CTSH: variants seen among roughly 807,000 people sequenced by gnomAD.
CTSH encodes the protein cathepsin H, also known as pro-cathepsin H.
In CTSH, 52 loss-of-function variants were observed where a neutral mutation model predicts 56.3. The ratio of observed to expected loss-of-function variants is 0.92; its 90% CI spans 0.74 to 1.16. CTSH has a LOEUF of 1.16. Ranked by LOEUF, CTSH falls within the 50% of genes most tolerant of loss-of-function variation. CTSH has a pLI of 0.00. For synonymous variants in CTSH, 174 were observed against 155.7 expected (o/e 1.12, Z -0.88); for missense variants, 406 against 424.5 (o/e 0.96, Z 0.38).
chr15:78,935,389 A>G (rs2055154345), intron 4 of CTSH, among the ~76,000 whole-genome samples: 1 of 152,258 alleles, frequency 6.6e-6, no homozygotes, highest in African/African-American at 2.4e-5. Flanking sequence ...CAATATTTAG[A>G]ATATACTTAT....
Position 78,927,700 on chromosome 15 carries a change from G to C in CTSH, c.699+13C>G. On this transcript the variant is annotated intron_variant, in intron 9 of 11. Transcript: ENST00000220166. The stretch of plus-strand genomic sequence containing the variant: ...GGACACATTCCCCATCCCAGAGGGG[G>C]ATCGGCACTCACGATTGTGATGTTG... The C allele has an allele frequency of 6.2e-7, 1 of 1,613,196 alleles. No individual in the cohort carries two copies. The highest frequency in any genetic ancestry group is 8.5e-7 in the Non-Finnish European group (1 of 1,179,216).
intron 1 of CTSH, among the ~76,000 whole-genome samples, chr15:78,942,951 C>G (rs1347454124): frequency 6.6e-6 from 1 of 152,148 alleles, no homozygotes; most frequent in Non-Finnish European, 1.5e-5. Flanking sequence ...TGCACATTTC[C>G]TCAACATGGC....
chr15:78,931,954 GTTCC>G (rs1356125179), intron 6 of CTSH: 17 of 1,158,478 alleles, frequency 1.5e-5, no homozygotes, highest in Non-Finnish European at 9.7e-6. Context: ...GGCTAGGATA[GTTCC>G]TTCAGGGGCA....
intron 5 of CTSH, 25 bp downstream of exon 5, chr15:78,934,953 A>C (rs572209103): frequency 6.8e-7 from 1 of 1,480,400 alleles, no homozygotes. Flanking sequence ...TTTTGCAGGG[A>C]GAGGATGGAG....
Position 78,929,472 on chromosome 15 carries a change from G to C in CTSH, c.570C>G (p.Phe190Leu). The change falls in exon 8 of 12, where the codon TTC (phenylalanine) becomes TTG (leucine). Residue 190 changes from phenylalanine (F) to leucine (L), a missense_variant. Physicochemically the swap from Phe to Leu is conservative, Grantham distance 22 (BLOSUM62 0). Coordinates refer to ENST00000220166, the MANE Select transcript of CTSH (RefSeq NM_004390.5). ...GCQGGLPSQA[F>L]EYILYNKGIM... is the part of the protein sequence containing the mutation. ...TCCCCTTGTTGTACAGGATATACTC[G>C]AAAGCCTGGCTGGGGAGACCCCTGC... The C allele has an allele frequency of 6.2e-7, 1 of 1,611,136 alleles. No homozygotes were observed.
At chr15:78,942,718 A>AG (rs923434782) in intron 1 of CTSH, among the ~76,000 whole-genome samples, 5 of 152,278 alleles carry the variant, frequency 3.3e-5, no homozygotes, top group African/African-American at 1.2e-4. Flanking sequence ...CCTTGCCTTC[A>AG]GGGGCTCTCT....
chr15:78,935,280 T>C (rs1334503334), intron 4 of CTSH, among the ~76,000 whole-genome samples, 198 bp from the exon 5 acceptor site: 1 of 152,176 alleles, frequency 6.6e-6, no homozygotes, highest in African/African-American at 2.4e-5. Context: ...AGCATTAGGA[T>C]AGGGTAGACA....
chr15:78,927,486 T>C (rs2054935067), intron 9 of CTSH: 1 of 576,328 alleles, frequency 1.7e-6, no homozygotes, highest in African/African-American at 1.9e-5. Flanking sequence ...AAGGCATGTG[T>C]GGATCTGGAG....
At chr15:78,930,181 T>C (rs138142036) in intron 7 of CTSH, among the ~76,000 whole-genome samples, 1,532 of 152,270 alleles carry the variant, frequency 0.01, 30 homozygotes, top group African/African-American at 0.036. Context: ...GTGATATTTG[T>C]TGTATGAATG....
Position 78,937,459 on chromosome 15 carries a change from C to T in CTSH, c.124-36G>A, listed in dbSNP as rs144342378. On this transcript the variant is annotated intron_variant, in intron 2 of 11. Transcript: ENST00000220166. ...ACACGCCAGTAGCAAGTCATGGAAA[C>T]AGGCTGCAGCTCCCTAGAGGGAGAC... 3,607 of 1,565,050 alleles carry T rather than the reference C, an allele frequency of 2.3e-3. 7 individuals carry two copies. Among genetic ancestry groups the T allele is most frequent in the Admixed American group, 3.0e-3 (175 of 58,850 alleles).
At chr15:78,930,618 G>A (rs1438837127) in intron 7 of CTSH, among the ~76,000 whole-genome samples, 2 of 152,204 alleles carry the variant, frequency 1.3e-5, no homozygotes, top group Non-Finnish European at 2.9e-5. Flanking sequence ...TCAGACTCTT[G>A]TTATGGGTTG....
intron 6 of CTSH, chr15:78,931,964 G>A (rs2055070467): frequency 8.7e-7 from 1 of 1,150,816 alleles, no homozygotes; most frequent in East Asian, 5.5e-5. Flanking sequence ...GTTCCTTCAG[G>A]GGCATCATCC....
chr15:78,937,256 C>T (rs1169311511), intron 3 of CTSH, 62 bp downstream of exon 3: 1 of 1,449,834 alleles, frequency 6.9e-7, no homozygotes, highest in Non-Finnish European at 9.7e-7. Flanking sequence ...CCAGCGGGCC[C>T]TTTCATGGGC....
At chr15:78,944,001 A>T (rs549371476) in intron 1 of CTSH, among the ~76,000 whole-genome samples, 15 of 152,214 alleles carry the variant, frequency 9.9e-5, no homozygotes, top group Non-Finnish European at 1.8e-4. Flanking sequence ...AGCCTCAGTG[A>T]TCTCTGTCCC....
intron 2 of CTSH, chr15:78,937,930 G>A (rs1231894648): frequency 1.6e-6 from 1 of 607,172 alleles, no homozygotes; most frequent in East Asian, 7.4e-5. Flanking sequence ...TCAAATCAAG[G>A]TCATTGGGAG....
At chr15:78,922,564 G>T (rs1051765228) in intron 11 of CTSH, among the ~76,000 whole-genome samples, 1 of 152,142 alleles carries the variant, frequency 6.6e-6, no homozygotes. Context: ...TGGGAGGACA[G>T]GACAAAGGCA....
chr15:78,922,748 G>A (rs571432516), intron 11 of CTSH, among the ~76,000 whole-genome samples: 3 of 152,332 alleles, frequency 2.0e-5, no homozygotes, highest in African/African-American at 7.2e-5. Flanking sequence ...CAGTCCTTCT[G>A]AGCCAGCTGG....
intron 1 of CTSH, chr15:78,944,630 G>A (rs191391822): frequency 1.0e-4 from 47 of 458,044 alleles, no homozygotes; most frequent in Admixed American, 9.6e-4. Context: ...TGGTATTCTA[G>A]GCTGGAGAGC....
chr15:78,924,162 A>G (rs2054846773), intron 10 of CTSH, among the ~76,000 whole-genome samples: 2 of 136,104 alleles, frequency 1.5e-5, no homozygotes, highest in African/African-American at 2.8e-5. Flanking sequence ...GGGAACGCCC[A>G]TGGAACTGCG....
Sources: gnomAD v4.1 joint callset for allele counts (sites outside exome capture counted in the v4.1 genomes callset) on GRCh38, gnomAD v4.1.1 for gene constraint, MANE v1.5 for transcripts, NCBI Gene and HGNC (gene_info 2026-07-23, HGNC 2026-07-21) for gene names.